Variants in OR2T6 observed in about 807,000 individuals in gnomAD.
OR2T6 encodes the protein olfactory receptor family 2 subfamily T member 6.
For missense variants in OR2T6, 424 were observed against 391.6 expected, an observed-to-expected ratio of 1.08 and a Z score of -0.70; for synonymous variants, 174 against 148.0, an observed-to-expected ratio of 1.18 and a Z score of -1.27.
At chr1:248,382,852 C>A in intron 1 of OR2T6, among the ~76,000 whole-genome samples, 1 of 152,224 alleles carries the variant, frequency 6.6e-6, no homozygotes, top group Non-Finnish European at 1.5e-5. Flanking sequence ...CATTTAATAT[C>A]TGCCTTTCTG....
chr1:248,389,398 A>G lies in OR2T6; in HGVS notation c.*863A>G, dbSNP rs1029410816. 3 of 152,220 alleles carry G rather than the reference A, an allele frequency of 2.0e-5. No homozygotes were observed. Among genetic ancestry groups the G allele is most frequent in the East Asian group, 1.9e-4 (1 of 5,198 alleles). The allele number at this position is 152,220 out of a possible 1,614,324, so 9.4% of individuals were successfully genotyped here. The stretch of plus-strand genomic sequence containing the variant: ...TTTTAAAAAAGTAGTAGACAGCGTC[A>G]TATTTTTCCTTCTCTATAGCACTGG... On this transcript the variant is annotated 3_prime_UTR_variant, in exon 3 of 3. Coordinates refer to ENST00000641644, the MANE Select transcript of OR2T6 (RefSeq NM_001005471.2).
intron 2 of OR2T6, among the ~76,000 whole-genome samples, chr1:248,385,900 A>C (rs544670423): frequency 3.9e-5 from 6 of 152,356 alleles, no homozygotes; most frequent in Non-Finnish European, 8.8e-5. Flanking sequence ...ATGTTACATG[A>C]CGTTTGATCA....
At chr1:248,387,179 A>G (rs936288527) in intron 2 of OR2T6, among the ~76,000 whole-genome samples, 2 of 152,220 alleles carry the variant, frequency 1.3e-5, no homozygotes, top group African/African-American at 4.8e-5. Context: ...TTTTAAAATT[A>G]TCACAGAAAT....
rs1361281485 is a variant in OR2T6, at chr1:248,390,280, G to C, written c.*1745G>C. On this transcript the variant is annotated 3_prime_UTR_variant, in exon 3 of 3. Coordinates refer to ENST00000641644, the MANE Select transcript of OR2T6 (RefSeq NM_001005471.2). ...AGTGGCTAAGAACTGGAGAAAAAAT[G>C]TTTGGCCTAAACTGTAGACACAGTA... The C allele has an allele frequency of 6.6e-6, 1 of 152,140 alleles. No individual in the cohort carries two copies. The highest frequency in any genetic ancestry group is 1.9e-4 in the East Asian group (1 of 5,192). 9.4% of individuals were successfully genotyped at this position (152,140 alleles called of 1,614,324 possible). A position where few individuals can be genotyped will look rare whatever the true frequency, so the allele number is the denominator to read the frequency against.
At position 248,390,619 on chromosome 1, in the gene OR2T6, A is replaced by T. The variant is rs964283066; in HGVS notation, c.*2084A>T. On this transcript the variant is annotated 3_prime_UTR_variant, in exon 3 of 3. Coordinates refer to ENST00000641644, the MANE Select transcript of OR2T6 (RefSeq NM_001005471.2). ...TTGAAATCCAGGAACAGCTTTTCCG[A>T]GGCTCTTCAGCTGGAGGCTCAACAT... is the stretch of plus-strand genomic sequence containing the variant. 6.6e-6 allele frequency: 1 copy of T among 152,348 alleles called. No individual in the cohort carries two copies. Among genetic ancestry groups the T allele is most frequent in the African/African-American group, 2.4e-5 (1 of 41,582 alleles). The allele number at this position is 152,348 out of a possible 1,614,324, so 9.4% of individuals were successfully genotyped here. A position where few individuals can be genotyped will look rare whatever the true frequency, so the allele number is the denominator to read the frequency against.
At position 248,388,911 on chromosome 1, in the gene OR2T6, A is replaced by T; in HGVS notation, c.*376A>T. The T allele has an allele frequency of 4.7e-6, 1 of 212,482 alleles. No individual in the cohort carries two copies. The highest frequency in any genetic ancestry group is 9.3e-6 in the Non-Finnish European group (1 of 108,064). 13.2% of individuals were successfully genotyped at this position (212,482 alleles called of 1,614,324 possible). A position where few individuals can be genotyped will look rare whatever the true frequency, so the allele number is the denominator to read the frequency against. The stretch of plus-strand genomic sequence containing the variant: ...CATAAGAACTGGTGATTTTGACTAT[A>T]TTGTTTAAACAATCCATCAATTGGC... On this transcript the variant is annotated 3_prime_UTR_variant, in exon 3 of 3. Coordinates refer to ENST00000641644, the MANE Select transcript of OR2T6 (RefSeq NM_001005471.2).
chr1:248,387,686 C>CT lies in OR2T6; in HGVS notation c.83dup (p.Gly29ArgfsTer14), dbSNP rs1558307717. The CT allele has an allele frequency of 6.2e-7, 1 of 1,613,556 alleles. No homozygotes were observed. The highest frequency in any genetic ancestry group is 1.7e-5 in the Admixed American group (1 of 60,004). On this transcript the variant is annotated frameshift_variant, in exon 3 of 3. Coordinates refer to ENST00000641644, the MANE Select transcript of OR2T6 (RefSeq NM_001005471.2). LOFTEE classifies it low-confidence loss of function (END_TRUNC). ...TCACTCACAATAAATGCTCAGGATTCTTTTTCGGTGTCATTTGTGCCGTCT... is the reference window on the plus strand; with the variant it reads ...TCACTCACAATAAATGCTCAGGATTCTTTTTTCGGTGTCATTTGTGCCGTCT...
At chr1:248,387,208 G>A (rs893503532) in intron 2 of OR2T6, among the ~76,000 whole-genome samples, 1 of 152,184 alleles carries the variant, frequency 6.6e-6, no homozygotes, top group Admixed American at 6.5e-5. Context: ...TGAGCCAATG[G>A]CCTATTGAAT....
At position 248,376,692 on chromosome 1, in the gene OR2T6, C is replaced by T. The variant is rs532329028; in HGVS notation, c.-159+638C>T. Among the ~76,000 whole-genome samples, 11 of 152,004 alleles carry T rather than the reference C, an allele frequency of 7.2e-5. No individual in the cohort carries two copies. In the South Asian group the frequency reaches 1.9e-3, roughly 26 times the overall value. On this transcript the variant is annotated intron_variant, in intron 1 of 2. Transcript: ENST00000641644. The stretch of plus-strand genomic sequence containing the variant: ...ACTTTTATTTTAGATTCAGGTGGTA[C>T]ATGTGCAGGTTTGTTAGCTGGTAAT...
In OR2T6 at chr1:248,380,469, A is replaced by G. The variant is rs923974754; in HGVS notation, c.-158-4242A>G. ...TCTGCTTATTTTAAAATCCATTAAT[A>G]TCTATTTAAGTCTTTTATATGGTCT... On this transcript the variant is annotated intron_variant, in intron 1 of 2. Coordinates refer to ENST00000641644, the MANE Select transcript of OR2T6 (RefSeq NM_001005471.2). Among the ~76,000 whole-genome samples the G allele has an allele frequency of 9.2e-5, 14 of 152,126 alleles. No homozygotes were observed. In the South Asian group the frequency reaches 1.9e-3, roughly 20 times the overall value.
chr1:248,388,932 T>C lies in OR2T6; in HGVS notation c.*397T>C, dbSNP rs1291892378. The C allele has an allele frequency of 5.3e-6, 1 of 188,408 alleles. No individual in the cohort carries two copies. The highest frequency in any genetic ancestry group is 1.1e-5 in the Non-Finnish European group (1 of 92,644). The allele number at this position is 188,408 out of a possible 1,614,324, so 11.7% of individuals were successfully genotyped here. A position where few individuals can be genotyped will look rare whatever the true frequency, so the allele number is the denominator to read the frequency against. On this transcript the variant is annotated 3_prime_UTR_variant, in exon 3 of 3. Transcript: ENST00000641644. ...CTATATTGTTTAAACAATCCATCAA[T>C]TGGCTTGTCAAAGATTTAGGGATGC...
chr1:248,383,323 G>A (rs1661075211), intron 1 of OR2T6, among the ~76,000 whole-genome samples: 1 of 121,382 alleles, frequency 8.2e-6, no homozygotes, highest in Admixed American at 8.1e-5. Context: ...TTATTGTCAT[G>A]GGTAAAGCAC....
rs770620959 is a variant in OR2T6 at position 248,388,333 on chromosome 1, C to T, written c.725C>T (p.Ser242Phe). ...AGGAAGAAGGCCTTTGCCACCTGCT[C>T]TTCACACATGATGGTGGTGACATTG... Reference protein sequence around the residue: ...EGRKKAFATCSSHMMVVTLFY... With the variant: ...EGRKKAFATCFSHMMVVTLFY... Residue 242 changes from serine to phenylalanine, a missense_variant, in exon 3 of 3, where the codon TCT becomes TTT. Coordinates refer to ENST00000641644, the MANE Select transcript of OR2T6 (RefSeq NM_001005471.2). 6.2e-6 allele frequency: 10 copies of T among 1,613,556 alleles called. No individual in the cohort carries two copies. The African/African-American group carries it at 6.7e-5, about 11-fold the overall frequency.
intron 1 of OR2T6, among the ~76,000 whole-genome samples, chr1:248,383,080 C>T (rs1348939093): frequency 1.9e-3 from 284 of 146,516 alleles, no homozygotes; most frequent in African/African-American, 7.1e-3. Context: ...CCTGAGTGTG[C>T]TCATCCTATC....
In OR2T6 at chr1:248,390,920, A is replaced by G. The variant is rs1308810729; in HGVS notation, c.*2385A>G. The G allele has an allele frequency of 1.3e-5, 2 of 152,250 alleles. No homozygotes were observed. Among genetic ancestry groups the G allele is most frequent in the East Asian group, 3.8e-4 (2 of 5,200 alleles). 9.4% of individuals were successfully genotyped at this position (152,250 alleles called of 1,614,324 possible). On this transcript the variant is annotated 3_prime_UTR_variant, in exon 3 of 3. Transcript: ENST00000641644. Reference sequence around the variant, plus strand: ...TTGTAAGATTTTAAAATCAAGTAAAATGATGAATGTAATAAAACCTTATAA... The same window carrying G: ...TTGTAAGATTTTAAAATCAAGTAAAGTGATGAATGTAATAAAACCTTATAA...
At chr1:248,386,080 G>C (rs926708262) in intron 2 of OR2T6, among the ~76,000 whole-genome samples, 2 of 152,078 alleles carry the variant, frequency 1.3e-5, no homozygotes, top group Non-Finnish European at 2.9e-5. Flanking sequence ...ACTCCAAAAC[G>C]GTGTTCTGGA....
At position 248,387,959 on chromosome 1, in the gene OR2T6, C is replaced by T. The variant is rs574611180; in HGVS notation, c.351C>T (p.Leu117=). 139 of 1,608,140 alleles carry T rather than the reference C, an allele frequency of 8.6e-5. No individual in the cohort carries two copies. The highest frequency in any genetic ancestry group is 7.4e-4 in the South Asian group (66 of 89,710). ...FMGAEFFLLG[L]MAYDRYVAIC... is the part of the protein sequence containing the mutation. The stretch of plus-strand genomic sequence containing the variant: ...GGGCTGAATTCTTCCTGCTGGGGCT[C>T]ATGGCCTATGACCGCTACGTGGCCA... The change falls in exon 3 of 3, where the codon CTC becomes CTT. Residue 117 remains leucine, a synonymous_variant. Transcript: ENST00000641644.
chr1:248,381,167 T>G (rs1661023357), intron 1 of OR2T6, among the ~76,000 whole-genome samples: 1 of 152,120 alleles, frequency 6.6e-6, no homozygotes, highest in South Asian at 2.1e-4. Context: ...CAAACACACA[T>G]GTACACACAT....
At chr1:248,385,431 C>A (rs1661121306) in intron 2 of OR2T6, among the ~76,000 whole-genome samples, 1 of 152,154 alleles carries the variant, frequency 6.6e-6, no homozygotes, top group African/African-American at 2.4e-5. Flanking sequence ...ATGCTATTAC[C>A]TAACATCTTG....
Sources: allele counts gnomAD v4.1 joint callset (sites outside exome capture counted in the v4.1 genomes callset), GRCh38; gene constraint gnomAD v4.1.1; transcripts MANE v1.5; gene names NCBI Gene and HGNC (gene_info 2026-07-23, HGNC 2026-07-21).